Variants in TBCK observed in about 807,000 individuals in gnomAD.
TBCK encodes TBC domain-containing protein kinase-like protein.
In TBCK, 99 loss-of-function variants were observed where a neutral mutation model predicts 113.4. The ratio of observed to expected loss-of-function variants is 0.87; its 90% CI spans 0.74 to 1.03. TBCK has a LOEUF of 1.03. Among genes scored for constraint, TBCK ranks in the 50% least tolerant of loss-of-function variants. TBCK has a pLI of 0.00. For missense variants in TBCK, 1,045 were observed against 1,061.3 expected, an observed-to-expected ratio of 0.98 and a Z score of 0.21; for synonymous variants, 369 against 370.8, an observed-to-expected ratio of 1.00 and a Z score of 0.05.
intron 25 of TBCK, among the ~76,000 whole-genome samples, chr4:106,072,365 G>A (rs1737570310): frequency 6.6e-6 from 1 of 152,128 alleles, no homozygotes; most frequent in Admixed American, 6.5e-5. Context: ...AACTTAGTTT[G>A]GCTGGATATG....
chr4:106,237,385 C>A, intron 12 of TBCK: 3 of 368,992 alleles, frequency 8.1e-6, no homozygotes, highest in Non-Finnish European at 1.1e-5. Flanking sequence ...AATAACAACC[C>A]TGACAGGATT....
intron 22 of TBCK, chr4:106,182,528 G>A (rs1579157834): frequency 6.6e-6 from 1 of 152,010 alleles, no homozygotes; most frequent in Non-Finnish European, 1.5e-5. Flanking sequence ...CTCTTATTAT[G>A]TTGAGATACA....
intron 19 of TBCK, among the ~76,000 whole-genome samples, chr4:106,219,114 A>G (rs1334456369): frequency 3.3e-5 from 5 of 149,662 alleles, no homozygotes; most frequent in East Asian, 2.0e-4. Flanking sequence ...GTAAACTATC[A>G]CAAGAACAAA....
chr4:106,194,792 A>AG (rs1426640476), intron 20 of TBCK, 38 bp from the exon 21 acceptor site: 3 of 1,516,090 alleles, frequency 2.0e-6, no homozygotes, highest in Non-Finnish European at 1.8e-6. Context: ...ATGGATAAAA[A>AG]GGAAATAAAA....
At chr4:106,229,550 G>A (rs752160122) in intron 19 of TBCK, among the ~76,000 whole-genome samples, 1 of 151,922 alleles carries the variant, frequency 6.6e-6, no homozygotes, top group African/African-American at 2.4e-5. Flanking sequence ...TGTGTTCATT[G>A]TAAGTGTATA....
intron 5 of TBCK, among the ~76,000 whole-genome samples, chr4:106,259,361 A>AT (rs1762289177): frequency 6.6e-6 from 1 of 151,864 alleles, no homozygotes; most frequent in South Asian, 2.1e-4. Flanking sequence ...GATAGAACTG[A>AT]TTTTAGGAAG....
At chr4:106,234,306 A>G (rs1232820177) in intron 15 of TBCK, among the ~76,000 whole-genome samples, 1 of 152,158 alleles carries the variant, frequency 6.6e-6, no homozygotes, top group Non-Finnish European at 1.5e-5. Flanking sequence ...TGATTAATGT[A>G]TGATATTGAA....
chr4:106,310,303 AGAGT>A (rs1768055151), intron 1 of TBCK: 1 of 152,228 alleles, frequency 6.6e-6, no homozygotes, highest in South Asian at 2.1e-4. Context: ...TATATAAGGA[AGAGT>A]GAAGCAGAAA....
intron 16 of TBCK, among the ~76,000 whole-genome samples, chr4:106,233,324 T>G (rs914234523): frequency 5.3e-5 from 8 of 152,192 alleles, no homozygotes; most frequent in Non-Finnish European, 1.2e-4. Flanking sequence ...TCAAAAATAT[T>G]TTCCTTTATA....
intron 18 of TBCK, 82 bp downstream of exon 18, chr4:106,231,647 C>CA: frequency 2.2e-6 from 3 of 1,359,014 alleles, no homozygotes; most frequent in Non-Finnish European, 2.0e-6. Context: ...AGCCTTAAAA[C>CA]AAAAACAAAA....
At chr4:106,103,987 C>T (rs1741852514) in intron 24 of TBCK, among the ~76,000 whole-genome samples, 1 of 152,178 alleles carries the variant, frequency 6.6e-6, no homozygotes, top group South Asian at 2.1e-4. Context: ...TCTTTGCAAC[C>T]CTCAGGTCAG....
intron 19 of TBCK, among the ~76,000 whole-genome samples, chr4:106,224,012 A>G (rs2149959987): frequency 6.6e-6 from 1 of 152,262 alleles, no homozygotes; most frequent in Non-Finnish European, 1.5e-5. Flanking sequence ...AAATGTTCCC[A>G]TGTATTGATA....
rs9884121 is a variant in TBCK at position 106,045,131 on chromosome 4, T to C, written c.*1439A>G. On this transcript the variant is annotated 3_prime_UTR_variant, in exon 26 of 26. Coordinates refer to ENST00000394708, the MANE Select transcript of TBCK (RefSeq NM_001163435.3). Reference sequence around the variant, plus strand: ...TGGGGTACAGTGGCCCTATCATGGCTCATTGCAACCTCTGCCTCTCAGGTT... The same window carrying C: ...TGGGGTACAGTGGCCCTATCATGGCCCATTGCAACCTCTGCCTCTCAGGTT... The C allele has an allele frequency of 0.062, 9,427 of 150,908 alleles. 548 individuals carry two copies. Among genetic ancestry groups the C allele is most frequent in the East Asian group, 0.29 (1,458 of 5,062 alleles). The allele number at this position is 150,908 out of a possible 1,614,324, so 9.3% of individuals were successfully genotyped here. A position where few individuals can be genotyped will look rare whatever the true frequency, so the allele number is the denominator to read the frequency against.
intron 25 of TBCK, among the ~76,000 whole-genome samples, chr4:106,092,500 G>C (rs372701172): frequency 7.9e-5 from 12 of 152,350 alleles, no homozygotes; most frequent in South Asian, 2.1e-4. Flanking sequence ...CGGTGGGTTG[G>C]GGGGAGGCTC....
intron 23 of TBCK, among the ~76,000 whole-genome samples, chr4:106,144,843 G>C (rs895463727): frequency 6.6e-6 from 1 of 151,760 alleles, no homozygotes; most frequent in Non-Finnish European, 1.5e-5. Flanking sequence ...GACCATCATG[G>C]AGAAACCCCG....
Position 106,298,098 on chromosome 4 carries a change from A to G in TBCK, c.194-2932T>C, listed in dbSNP as rs192378767. Among the ~76,000 whole-genome samples the G allele has an allele frequency of 5.5e-4, 84 of 152,144 alleles. 1 individual carries two copies. The highest frequency in any genetic ancestry group is 3.9e-3 in the Admixed American group (59 of 15,274). On this transcript the variant is annotated intron_variant, in intron 2 of 25. Transcript: ENST00000394708. ...ACAACATACTCTATTCTACATTTTA[A>G]TTTTGTTTTGTAGCACTTGTTTCAA...
intron 22 of TBCK, among the ~76,000 whole-genome samples, chr4:106,190,255 C>T (rs1042638315): frequency 2.6e-5 from 4 of 152,088 alleles, no homozygotes; most frequent in African/African-American, 9.7e-5. Context: ...TGACTGAAAA[C>T]CCAAATTGTT....
intron 18 of TBCK, among the ~76,000 whole-genome samples, chr4:106,230,818 G>A (rs567700603): frequency 2.6e-5 from 4 of 151,758 alleles, no homozygotes; most frequent in East Asian, 3.9e-4. Context: ...AAGAGTCTAC[G>A]AACTATGGAT....
intron 23 of TBCK, among the ~76,000 whole-genome samples, chr4:106,170,485 G>T (rs72968441): frequency 1.3e-5 from 2 of 151,966 alleles, no homozygotes. Context: ...ATGAACAAAT[G>T]AATGTACCCA....
Sources: allele counts gnomAD v4.1 joint callset (sites outside exome capture counted in the v4.1 genomes callset), GRCh38; gene constraint gnomAD v4.1.1; transcripts MANE v1.5; gene names NCBI Gene and HGNC (gene_info 2026-07-23, HGNC 2026-07-21).